MSH3: variants seen among roughly 807,000 people sequenced by gnomAD.
MSH3 encodes the protein DNA mismatch repair protein Msh3.
Under a neutral mutation model 123.3 loss-of-function variants are expected in MSH3, and 106 were observed. The ratio of observed to expected loss-of-function variants is 0.86; its 90% CI spans 0.73 to 1.01. The LOEUF (loss-of-function observed/expected upper bound fraction) is 1.01. MSH3 is among the 50% of genes least tolerant of loss of function. The pLI, the probability that MSH3 is intolerant of heterozygous loss-of-function variation, is 0.00. For missense variants in MSH3, 1,459 were observed against 1,347.6 expected (o/e 1.08, Z -1.29); for synonymous variants, 515 against 481.4 (o/e 1.07, Z -0.91).
intron 2 of MSH3, among the ~76,000 whole-genome samples, chr5:80,659,026 G>T (rs1749362664): frequency 1.3e-5 from 2 of 152,278 alleles, no homozygotes; most frequent in African/African-American, 4.8e-5. Context: ...CTGAGGTCAG[G>T]AGTTCGAGAC....
intron 4 of MSH3, among the ~76,000 whole-genome samples, chr5:80,670,809 A>G (rs1749708125): frequency 6.6e-6 from 1 of 152,154 alleles, no homozygotes; most frequent in Admixed American, 6.6e-5. Context: ...GTGTCAGTCA[A>G]CTTGGTGTCT....
At chr5:80,867,199 T>C (rs1746118618) in intron 22 of MSH3, among the ~76,000 whole-genome samples, 1 of 152,220 alleles carries the variant, frequency 6.6e-6, no homozygotes, top group Non-Finnish European at 1.5e-5. Context: ...TAATCCCATG[T>C]TCCATGACTT....
At chr5:80,721,101 AGG>A (rs1751069650) in intron 8 of MSH3, among the ~76,000 whole-genome samples, 1 of 152,232 alleles carries the variant, frequency 6.6e-6, no homozygotes, top group South Asian at 2.1e-4. Context: ...TTTCAAATAC[AGG>A]ATATCTTACA....
intron 8 of MSH3, among the ~76,000 whole-genome samples, chr5:80,710,123 T>G (rs981469158): frequency 5.3e-5 from 8 of 152,242 alleles, no homozygotes; most frequent in African/African-American, 1.9e-4. Flanking sequence ...TTTTAAAGGC[T>G]TTATGTTTGT....
rs750753473 is a variant in MSH3, at chr5:80,654,895, GGCCGCAGCGGCCGCAGCGCCCC to G, written c.169_190del (p.Ala57GlnfsTer16). The G allele has an allele frequency of 1.2e-6, 1 of 820,058 alleles. No individual in the cohort carries two copies. Among genetic ancestry groups the G allele is most frequent in the African/African-American group, 2.9e-5 (1 of 34,174 alleles). The allele number at this position is 820,058 out of a possible 1,614,324, so 50.8% of individuals were successfully genotyped here. On this transcript the variant is annotated frameshift_variant, in exon 1 of 24. Coordinates refer to ENST00000265081, the MANE Select transcript of MSH3 (RefSeq NM_002439.5). LOFTEE classifies it high-confidence loss of function. ...ACCCTGGCGCTGCAGCGGCTGCAGCGGCCGCAGCGGCCGCAGCGCCCCCAGCGCCCCCAGCTCCCGCCTTCCC... is the reference window on the plus strand; with the variant it reads ...ACCCTGGCGCTGCAGCGGCTGCAGCGCAGCGCCCCCAGCTCCCGCCTTCCC...
chr5:80,716,335 G>C (rs995097414), intron 8 of MSH3, among the ~76,000 whole-genome samples: 8 of 151,982 alleles, frequency 5.3e-5, no homozygotes, highest in African/African-American at 1.9e-4. Context: ...TTGTTCTAAA[G>C]GTCGATTCTT....
chr5:80,707,765 A>G (rs991862812), intron 8 of MSH3, among the ~76,000 whole-genome samples: 2 of 152,172 alleles, frequency 1.3e-5, no homozygotes, highest in East Asian at 3.8e-4. Flanking sequence ...CAGCTGAAGT[A>G]GGTTTTGGAG....
chr5:80,786,918 C>T (rs1744518976), intron 17 of MSH3, among the ~76,000 whole-genome samples: 1 of 152,100 alleles, frequency 6.6e-6, no homozygotes, highest in African/African-American at 2.4e-5. Context: ...AGGCAATGAC[C>T]ATTATCTTTT....
intron 16 of MSH3, among the ~76,000 whole-genome samples, chr5:80,777,914 T>C (rs1744333970): frequency 1.3e-5 from 2 of 152,294 alleles, no homozygotes; most frequent in South Asian, 2.1e-4. Context: ...ACAGGCGCTC[T>C]CCTAAGTTTT....
At chr5:80,744,299 CCA>C (rs1490700181) in intron 11 of MSH3, among the ~76,000 whole-genome samples, 28 of 152,106 alleles carry the variant, frequency 1.8e-4, no homozygotes, top group African/African-American at 6.8e-4. Flanking sequence ...TCTTTGGTAA[CCA>C]AAAACTATAA....
intron 15 of MSH3, among the ~76,000 whole-genome samples, chr5:80,772,691 TA>T (rs1744232680): frequency 6.6e-6 from 1 of 152,166 alleles, no homozygotes; most frequent in Non-Finnish European, 1.5e-5. Context: ...TCTTTAGTAA[TA>T]AAATTCTTAA....
At chr5:80,750,137 A>G (rs1743808007) in intron 12 of MSH3, among the ~76,000 whole-genome samples, 1 of 142,036 alleles carries the variant, frequency 7.0e-6, no homozygotes, top group African/African-American at 2.7e-5. Flanking sequence ...CTATTCATCT[A>G]TTGGTGGACA....
chr5:80,820,901 G>T (rs981178261), intron 20 of MSH3, among the ~76,000 whole-genome samples: 1 of 152,132 alleles, frequency 6.6e-6, no homozygotes, highest in Non-Finnish European at 1.5e-5. Flanking sequence ...TGCACTTCAC[G>T]AAGGTCCAGG....
At chr5:80,716,624 A>G (rs1374199970) in intron 8 of MSH3, among the ~76,000 whole-genome samples, 1 of 152,146 alleles carries the variant, frequency 6.6e-6, no homozygotes, top group African/African-American at 2.4e-5. Context: ...ATATTTATAC[A>G]TATTTATGGG....
At chr5:80,813,555 A>G in intron 19 of MSH3, 29 bp from the exon 20 acceptor site, 2 of 1,613,480 alleles carry the variant, frequency 1.2e-6, no homozygotes. Flanking sequence ...TTTCTGGTAC[A>G]ATAAGTGAAA....
At chr5:80,825,761 C>T (rs1429101837) in intron 20 of MSH3, among the ~76,000 whole-genome samples, 1 of 152,326 alleles carries the variant, frequency 6.6e-6, no homozygotes, top group African/African-American at 2.4e-5. Context: ...TATATATTCT[C>T]CAAAATTGCT....
chr5:80,871,477 C>G (rs1219998578), intron 22 of MSH3, among the ~76,000 whole-genome samples: 1 of 152,196 alleles, frequency 6.6e-6, no homozygotes, highest in Non-Finnish European at 1.5e-5. Context: ...CAGTCAGTCA[C>G]TAATCAGGGC....
At chr5:80,698,897 A>C (rs1053231162) in intron 8 of MSH3, among the ~76,000 whole-genome samples, 2 of 152,210 alleles carry the variant, frequency 1.3e-5, no homozygotes, top group African/African-American at 4.8e-5. Flanking sequence ...ACATGTATAC[A>C]TATGTAACAA....
intron 8 of MSH3, among the ~76,000 whole-genome samples, chr5:80,679,990 G>A (rs113947436): frequency 7.2e-5 from 11 of 152,150 alleles, no homozygotes; most frequent in Non-Finnish European, 1.3e-4. Context: ...GGCCAGGCAC[G>A]GTGGCTCACG....
Sources: allele counts gnomAD v4.1 joint callset (sites outside exome capture counted in the v4.1 genomes callset), GRCh38; gene constraint gnomAD v4.1.1; transcripts MANE v1.5; gene names NCBI Gene and HGNC (gene_info 2026-07-23, HGNC 2026-07-21).